SLIT3: variants seen among roughly 807,000 people sequenced by gnomAD.
SLIT3 encodes slit guidance ligand 3.
In SLIT3, 68 loss-of-function variants were observed where a neutral mutation model predicts 184.0. The ratio of observed to expected loss-of-function variants is 0.37; its 90% CI spans 0.30 to 0.45. The LOEUF is 0.45. Ranked by LOEUF, SLIT3 falls within the 20% of genes least tolerant of loss-of-function variation. The probability of loss-of-function intolerance (pLI) is 1.00; values close to 1 mark genes in which losing one functional copy is unlikely to be tolerated. For synonymous variants in SLIT3, 831 were observed against 828.6 expected (o/e 1.00, Z -0.05); for missense variants, 1,707 against 2,026.0 (o/e 0.84, Z 3.02).
intron 4 of SLIT3, among the ~76,000 whole-genome samples, chr5:168,890,424 C>A (rs1284538339): frequency 1.3e-5 from 2 of 152,112 alleles, no homozygotes; most frequent in African/African-American, 4.8e-5. Flanking sequence ...CAGAATAGTA[C>A]AAAGATATTA....
At chr5:168,929,704 A>C (rs1761931094) in intron 4 of SLIT3, among the ~76,000 whole-genome samples, 2 of 152,264 alleles carry the variant, frequency 1.3e-5, no homozygotes, top group Non-Finnish European at 2.9e-5. Context: ...CTATTTGTAC[A>C]TGAGCAGATA....
intron 9 of SLIT3, 63 bp downstream of exon 9, chr5:168,806,383 G>A: frequency 1.9e-6 from 3 of 1,590,108 alleles, no homozygotes; most frequent in Non-Finnish European, 1.7e-6. Flanking sequence ...TGGGTGATGG[G>A]CTGGGACAGG....
intron 4 of SLIT3, among the ~76,000 whole-genome samples, chr5:169,182,725 CT>C (rs1389237250): frequency 5.3e-5 from 8 of 152,174 alleles, no homozygotes; most frequent in Admixed American, 5.2e-4. Context: ...TTGGGTTCTG[CT>C]CACCTCAAAA....
intron 13 of SLIT3, among the ~76,000 whole-genome samples, chr5:168,773,213 C>T (rs1755622808): frequency 6.6e-6 from 1 of 152,140 alleles, no homozygotes; most frequent in Non-Finnish European, 1.5e-5. Flanking sequence ...GCAAGACCCA[C>T]CACCGATTGC....
chr5:169,166,445 G>C (rs1026298758), intron 4 of SLIT3, among the ~76,000 whole-genome samples: 1 of 152,072 alleles, frequency 6.6e-6, no homozygotes, highest in Non-Finnish European at 1.5e-5. Context: ...GGCAGAAACA[G>C]CGAGAGTCCC....
intron 4 of SLIT3, among the ~76,000 whole-genome samples, chr5:168,963,696 T>C (rs149947905): frequency 2.0e-3 from 309 of 152,344 alleles, no homozygotes; most frequent in African/African-American, 7.1e-3. Context: ...TGGACCATCA[T>C]AGGCGTCTGA....
At chr5:169,032,841 G>A (rs1022874162) in intron 4 of SLIT3, among the ~76,000 whole-genome samples, 1 of 150,320 alleles carries the variant, frequency 6.7e-6, no homozygotes, top group Non-Finnish European at 1.5e-5. Context: ...CATGATATGG[G>A]ATACAAACAC....
At chr5:169,097,774 C>T (rs999027108) in intron 4 of SLIT3, among the ~76,000 whole-genome samples, 9 of 152,184 alleles carry the variant, frequency 5.9e-5, no homozygotes, top group African/African-American at 2.2e-4. Flanking sequence ...CCCCACCACC[C>T]TGCAAAAGGT....
chr5:168,790,885 G>A (rs1756339522), intron 10 of SLIT3: 2 of 152,270 alleles, frequency 1.3e-5, no homozygotes, highest in Admixed American at 6.5e-5. Flanking sequence ...AACCTTTGCT[G>A]AGGCCTCTAC....
At chr5:169,033,641 G>A (rs1010009427) in intron 4 of SLIT3, among the ~76,000 whole-genome samples, 1 of 152,138 alleles carries the variant, frequency 6.6e-6, no homozygotes, top group Non-Finnish European at 1.5e-5. Context: ...CCAAATGGGT[G>A]TAAGGTGGTA....
intron 1 of SLIT3, among the ~76,000 whole-genome samples, chr5:169,297,943 T>C (rs1251875783): frequency 6.6e-6 from 1 of 152,210 alleles, no homozygotes; most frequent in Non-Finnish European, 1.5e-5. Context: ...AATAAATGAG[T>C]GATTCCTCTG....
intron 4 of SLIT3, among the ~76,000 whole-genome samples, chr5:168,895,943 TA>T (rs1220671790): frequency 6.6e-6 from 1 of 152,170 alleles, no homozygotes; most frequent in African/African-American, 2.4e-5. Flanking sequence ...TGAAATTCAT[TA>T]GTGACAAATG....
chr5:168,694,532 G>T (rs1412488049), intron 28 of SLIT3, among the ~76,000 whole-genome samples: 1 of 152,236 alleles, frequency 6.6e-6, no homozygotes, highest in Non-Finnish European at 1.5e-5. Context: ...CTCAGAAGAT[G>T]AAAGAGGGAA....
At chr5:168,773,921 C>A (rs1236407030) in intron 13 of SLIT3, among the ~76,000 whole-genome samples, 1 of 152,070 alleles carries the variant, frequency 6.6e-6, no homozygotes, top group Non-Finnish European at 1.5e-5. Flanking sequence ...AGCTGTGTGA[C>A]CCTGAGGAAG....
intron 4 of SLIT3, among the ~76,000 whole-genome samples, chr5:168,906,452 G>A (rs1761054600): frequency 6.6e-6 from 1 of 152,184 alleles, no homozygotes; most frequent in Non-Finnish European, 1.5e-5. Context: ...GAGATTTAGA[G>A]CTCAGAGAAC....
intron 4 of SLIT3, among the ~76,000 whole-genome samples, chr5:169,025,487 T>C (rs1454567067): frequency 1.3e-5 from 2 of 152,202 alleles, no homozygotes; most frequent in African/African-American, 4.8e-5. Flanking sequence ...CTTGCTCTTC[T>C]TTCTTTTCTT....
intron 16 of SLIT3, among the ~76,000 whole-genome samples, chr5:168,754,803 T>C (rs1393461001): frequency 5.3e-5 from 8 of 152,192 alleles, no homozygotes; most frequent in South Asian, 4.1e-4. Context: ...AGTTTTTTTC[T>C]GTGTAATTGT....
chr5:168,727,568 G>A (rs923468430), intron 20 of SLIT3, among the ~76,000 whole-genome samples: 20 of 152,254 alleles, frequency 1.3e-4, no homozygotes, highest in Middle Eastern at 3.4e-3. Context: ...AGGCCTTGGA[G>A]ATTATTTTAT....
chr5:168,891,378 G>T (rs1267765737), intron 4 of SLIT3, among the ~76,000 whole-genome samples: 2 of 152,148 alleles, frequency 1.3e-5, no homozygotes, highest in African/African-American at 4.8e-5. Flanking sequence ...TCCATGGATG[G>T]TTACACCCTC....
Sources: gnomAD v4.1 joint callset for allele counts (sites outside exome capture counted in the v4.1 genomes callset) on GRCh38, gnomAD v4.1.1 for gene constraint, MANE v1.5 for transcripts, NCBI Gene and HGNC (gene_info 2026-07-23, HGNC 2026-07-21) for gene names.